The following ARHGAP15 variants were observed in gnomAD, a reference collection of about 807,000 sequenced individuals.
ARHGAP15 encodes the protein rho GTPase-activating protein 15.
ARHGAP15 carries 51 observed loss-of-function variants against 63.7 expected under a neutral mutation model. The observed-to-expected ratio is 0.80, with a 90% confidence interval of 0.64 to 1.01. The LOEUF (loss-of-function observed/expected upper bound fraction) is 1.01, where lower values mean the gene tolerates loss of function less well. ARHGAP15 is among the 50% of genes least tolerant of loss of function. The pLI is 0.00. For missense variants in ARHGAP15, 560 were observed against 564.6 expected (o/e 0.99, Z 0.08); for synonymous variants, 191 against 193.8 (o/e 0.99, Z 0.12).
intron 6 of ARHGAP15, among the ~76,000 whole-genome samples, chr2:143,360,161 T>C (rs554883476): frequency 6.6e-6 from 1 of 151,238 alleles, no homozygotes; most frequent in Admixed American, 6.6e-5. Context: ...GGAGGACTGC[T>C]AGAGGCCTGG....
intron 12 of ARHGAP15, 68 bp downstream of exon 12, chr2:143,624,335 T>A (rs901183985): frequency 6.8e-7 from 1 of 1,473,690 alleles, no homozygotes; most frequent in African/African-American, 1.4e-5. Context: ...AAGTAAATAA[T>A]AAGAATGATT....
chr2:143,542,298 G>C (rs1314517806), intron 10 of ARHGAP15, among the ~76,000 whole-genome samples: 1 of 152,144 alleles, frequency 6.6e-6, no homozygotes, highest in African/African-American at 2.4e-5. Flanking sequence ...GACTAGGAAA[G>C]GGAATTCCCT....
intron 1 of ARHGAP15, among the ~76,000 whole-genome samples, chr2:143,142,001 C>T (rs556002270): frequency 2.0e-5 from 3 of 152,136 alleles, no homozygotes; most frequent in African/African-American, 7.2e-5. Context: ...GCTGTCCACC[C>T]GCAGCTGTCT....
intron 11 of ARHGAP15, among the ~76,000 whole-genome samples, chr2:143,593,045 G>A (rs1003490906): frequency 4.6e-5 from 7 of 152,282 alleles, no homozygotes; most frequent in South Asian, 2.1e-4. Context: ...GTGGGAAAGC[G>A]TATCAAACAT....
intron 9 of ARHGAP15, among the ~76,000 whole-genome samples, chr2:143,502,445 T>G (rs1219978892): frequency 1.3e-5 from 2 of 151,858 alleles, no homozygotes; most frequent in Non-Finnish European, 2.9e-5. Context: ...CAAACAAGAC[T>G]TTGGGATCAA....
chr2:143,470,946 A>G (rs957344737), intron 8 of ARHGAP15, among the ~76,000 whole-genome samples: 1 of 141,124 alleles, frequency 7.1e-6, no homozygotes, highest in Admixed American at 7.2e-5. Context: ...GTGTGTATAT[A>G]CACACATGTG....
At chr2:143,146,097 A>G (rs1220013598) in intron 1 of ARHGAP15, among the ~76,000 whole-genome samples, 1 of 151,818 alleles carries the variant, frequency 6.6e-6, no homozygotes, top group African/African-American at 2.4e-5. Context: ...GTAAAAGGAT[A>G]TAAATAATAA....
At chr2:143,291,982 T>G (rs578020613) in intron 6 of ARHGAP15, among the ~76,000 whole-genome samples, 1 of 152,140 alleles carries the variant, frequency 6.6e-6, no homozygotes, top group East Asian at 1.9e-4. Flanking sequence ...CTGGGAAGTT[T>G]TAAGACACTT....
chr2:143,421,661 G>A (rs1183544592), intron 6 of ARHGAP15, among the ~76,000 whole-genome samples: 4 of 151,582 alleles, frequency 2.6e-5, no homozygotes, highest in Admixed American at 6.6e-5. Flanking sequence ...AACCAGGATA[G>A]AAGATATATT....
intron 3 of ARHGAP15, among the ~76,000 whole-genome samples, chr2:143,215,450 T>C (rs1228174649): frequency 6.6e-6 from 1 of 152,106 alleles, no homozygotes; most frequent in Non-Finnish European, 1.5e-5. Context: ...TTAAGACTTT[T>C]GTGAGATGAA....
chr2:143,262,104 T>TGAGGCACGCAGTCAGTACAAAG (rs1680751937), intron 6 of ARHGAP15, among the ~76,000 whole-genome samples: 1 of 152,142 alleles, frequency 6.6e-6, no homozygotes, highest in African/African-American at 2.4e-5. Context: ...TAACGCGTGC[T>TGAGGCACGCAGTCAGTACAAAG]GAGGCAAGAT....
At chr2:143,622,354 T>G (rs1360780312) in intron 11 of ARHGAP15, among the ~76,000 whole-genome samples, 1 of 151,646 alleles carries the variant, frequency 6.6e-6, no homozygotes, top group African/African-American at 2.4e-5. Context: ...ACGCAGGGGG[T>G]GTGGCACCAT....
intron 8 of ARHGAP15, among the ~76,000 whole-genome samples, chr2:143,447,650 C>T (rs11888321): frequency 0.1 from 15,726 of 152,210 alleles, 1,066 homozygotes; most frequent in African/African-American, 0.19. Context: ...TCCCTATCCC[C>T]ATCACTCAGA....
At chr2:143,320,239 C>T (rs947384435) in intron 6 of ARHGAP15, among the ~76,000 whole-genome samples, 1 of 152,068 alleles carries the variant, frequency 6.6e-6, no homozygotes, top group Non-Finnish European at 1.5e-5. Flanking sequence ...TAAGTCCTAC[C>T]AGACAAAGGA....
At chr2:143,292,856 A>G (rs2105123989) in intron 6 of ARHGAP15, among the ~76,000 whole-genome samples, 1 of 152,114 alleles carries the variant, frequency 6.6e-6, no homozygotes, top group Admixed American at 6.6e-5. Context: ...ATAATTTAGA[A>G]GCTATTGTTG....
At chr2:143,202,586 G>A (rs1692163785) in intron 3 of ARHGAP15, among the ~76,000 whole-genome samples, 1 of 146,928 alleles carries the variant, frequency 6.8e-6, no homozygotes, top group Non-Finnish European at 1.5e-5. Context: ...TTGCTAGCAA[G>A]ATGGAAGTCA....
intron 8 of ARHGAP15, among the ~76,000 whole-genome samples, chr2:143,474,681 G>A (rs1461034866): frequency 6.6e-6 from 1 of 152,192 alleles, no homozygotes; most frequent in East Asian, 1.9e-4. Flanking sequence ...TTAACCAAAT[G>A]ATTTAAACAA....
chr2:143,228,004 T>A (rs897424848), intron 4 of ARHGAP15: 1 of 152,200 alleles, frequency 6.6e-6, no homozygotes, highest in Non-Finnish European at 1.5e-5. Flanking sequence ...TGATTATCCC[T>A]AGATGTTATC....
At chr2:143,373,921 C>T (rs908767766) in intron 6 of ARHGAP15, among the ~76,000 whole-genome samples, 1 of 152,048 alleles carries the variant, frequency 6.6e-6, no homozygotes, top group African/African-American at 2.4e-5. Flanking sequence ...CAAGAAATCC[C>T]AAATACATGA....
Sources: gnomAD v4.1 joint callset for allele counts (sites outside exome capture counted in the v4.1 genomes callset) on GRCh38, gnomAD v4.1.1 for gene constraint, MANE v1.5 for transcripts, NCBI Gene and HGNC (gene_info 2026-07-23, HGNC 2026-07-21) for gene names.